OR2T33: variants seen among roughly 807,000 people sequenced by gnomAD.
OR2T33 encodes the protein olfactory receptor 2T33.
A neutral mutation model predicts 14.0 loss-of-function variants in OR2T33; 10 were observed. That is an observed-to-expected ratio of 0.72 (90% confidence interval 0.44 to 1.22). The LOEUF is 1.22. Ranked by LOEUF, OR2T33 falls within the 50% of genes most tolerant of loss-of-function variation. The probability of loss-of-function intolerance (pLI) is 0.00; values close to 1 mark genes in which losing one functional copy is unlikely to be tolerated. For missense variants in OR2T33, 276 were observed against 405.9 expected (o/e 0.68, Z 2.75); for synonymous variants, 103 against 159.4 (o/e 0.65, Z 2.66).
In OR2T33 at chr1:248,273,003, A is replaced by G. The variant is rs199555241; in HGVS notation, c.812T>C (p.Val271Ala). ...KSHRSTNHDK[V>A]VSAFYTMFTP... is the part of the protein sequence containing the mutation. The stretch of plus-strand genomic sequence containing the variant: ...GAACATAGTATAGAAGGCTGACACA[A>G]CCTTGTCATGGTTAGTGGACCTATG... Residue 271 changes from valine (V) to alanine (A), a missense_variant, in exon 2 of 2, where the codon GTT becomes GCT. Physicochemically the swap from Val to Ala is moderately conservative, Grantham distance 64. Transcript: ENST00000641220. The G allele has an allele frequency of 5.0e-4, 803 of 1,614,056 alleles. 10 individuals are homozygous for G. The South Asian group carries it at 6.2e-3, about 13-fold the overall frequency.
chr1:248,270,874 T>G lies in OR2T33; in HGVS notation c.*1978A>C, dbSNP rs763471333. 6.6e-6 allele frequency: 1 copy of G among 152,072 alleles called. No individual in the cohort carries two copies. The highest frequency in any genetic ancestry group is 6.6e-5 in the Admixed American group (1 of 15,250). The allele number at this position is 152,072 out of a possible 1,614,324, so 9.4% of individuals were successfully genotyped here. A position where few individuals can be genotyped will look rare whatever the true frequency, so the allele number is the denominator to read the frequency against. ...CTAGCCAAAAAGCAGGAAAAAATAT[T>G]TATAGTACAGATGTTTGACAAAATA... On this transcript the variant is annotated 3_prime_UTR_variant, in exon 2 of 2. Coordinates refer to ENST00000641220, the MANE Select transcript of OR2T33 (RefSeq NM_001004695.2).
In OR2T33 at chr1:248,273,423, G is replaced by A. The variant is rs1409670722; in HGVS notation, c.392C>T (p.Pro131Leu). 3 of 1,612,598 alleles carry A rather than the reference G, an allele frequency of 1.9e-6. No individual in the cohort carries two copies. The East Asian group carries it at 6.7e-5, about 36-fold the overall frequency. ...GCACAGCTGCCAGCTCATGAGAGTG[G>A]GATATCGGAGTGGGTGGCAGACAGC... ...YAAVCHPLRY[P>L]TLMSWQLCLR... Residue 131 changes from proline to leucine, a missense_variant, in exon 2 of 2, where the codon CCC becomes CTC. Coordinates refer to ENST00000641220, the MANE Select transcript of OR2T33 (RefSeq NM_001004695.2).
chr1:248,273,107 A>G lies in OR2T33; in HGVS notation c.708T>C (p.Phe236=), dbSNP rs140093780. ...MRSTEARKKA[F]ATCSSHVAVV... ...CAGCCACATGTGAAGAGCAGGTGGCAAAGGCCTTCTTGCGGGCTTCTGTAG... is the reference window on the plus strand; with the variant it reads ...CAGCCACATGTGAAGAGCAGGTGGCGAAGGCCTTCTTGCGGGCTTCTGTAG... The change falls in exon 2 of 2, where the codon TTT becomes TTC. Residue 236 remains phenylalanine (F), a synonymous_variant. Coordinates refer to ENST00000641220, the MANE Select transcript of OR2T33 (RefSeq NM_001004695.2). 8.0e-4 allele frequency: 1,295 copies of G among 1,611,668 alleles called. No individual in the cohort carries two copies. Among genetic ancestry groups the G allele is most frequent in the Non-Finnish European group, 9.3e-4 (1,100 of 1,179,708 alleles).
rs1407798613 is a variant in OR2T33 at position 248,271,158 on chromosome 1, T to G, written c.*1694A>C. The G allele has an allele frequency of 1.3e-5, 2 of 152,168 alleles. No homozygotes were observed. Among genetic ancestry groups the G allele is most frequent in the African/African-American group, 4.8e-5 (2 of 41,438 alleles). 9.4% of individuals were successfully genotyped at this position (152,168 alleles called of 1,614,324 possible). ...GTTGTTTTAGTTTTCTCCTGTATAT[T>G]AGGCTTAATTTTCTGGTTAGAATAT... On this transcript the variant is annotated 3_prime_UTR_variant, in exon 2 of 2. Coordinates refer to ENST00000641220, the MANE Select transcript of OR2T33 (RefSeq NM_001004695.2).
At position 248,271,748 on chromosome 1, in the gene OR2T33, T is replaced by G. The variant is rs1157670421; in HGVS notation, c.*1104A>C. On this transcript the variant is annotated 3_prime_UTR_variant, in exon 2 of 2. Coordinates refer to ENST00000641220, the MANE Select transcript of OR2T33 (RefSeq NM_001004695.2). ...TCCCACTGTGTGTTTAAAACTTATA[T>G]TATTTCTTAAGTGTGTTTTACATAC... The G allele has an allele frequency of 1.1e-4, 17 of 152,206 alleles. No homozygotes were observed. The highest frequency in any genetic ancestry group is 4.1e-4 in the African/African-American group (17 of 41,450). The allele number at this position is 152,206 out of a possible 1,614,324, so 9.4% of individuals were successfully genotyped here. A position where few individuals can be genotyped will look rare whatever the true frequency, so the allele number is the denominator to read the frequency against.
In OR2T33 at chr1:248,275,112, T is replaced by A. The variant is rs567420260; in HGVS notation, c.-8-1290A>T. On this transcript the variant is annotated intron_variant, in intron 1 of 1. Transcript: ENST00000641220. ...ATTCATAGAATATTCGCAAATGTCATGCCTTTGTATATTTGCAGGATTTTA... is the reference window on the plus strand; with the variant it reads ...ATTCATAGAATATTCGCAAATGTCAAGCCTTTGTATATTTGCAGGATTTTA... Among the ~76,000 whole-genome samples the A allele has an allele frequency of 2.6e-5, 4 of 152,338 alleles. No homozygotes were observed. In the East Asian group the frequency reaches 7.7e-4, roughly 29 times the overall value.
chr1:248,273,615 A>T lies in OR2T33; in HGVS notation c.200T>A (p.Met67Lys). 6.2e-7 allele frequency: 1 copy of T among 1,613,632 alleles called. No individual in the cohort carries two copies. The highest frequency in any genetic ancestry group is 8.5e-7 in the Non-Finnish European group (1 of 1,179,868). Residue 67 changes from methionine to lysine, a missense_variant, in exon 2 of 2, where the codon ATG becomes AAG. Coordinates refer to ENST00000641220, the MANE Select transcript of OR2T33 (RefSeq NM_001004695.2). The part of the protein sequence containing the change: ...MYFLLSQLSL[M>K]DMMLVSTTVP... ...AGTGGTGGAAACCAGCATCATGTCC[A>T]TGAGGGAAAGTTGGCTCAGGAGGAA...
chr1:248,277,848 T>A lies in OR2T33; in HGVS notation c.-92A>T, dbSNP rs1051039603. ...GGTTTGAGTACAAATGTTTGCTTAA[T>A]CTTAGTGTTGTGGATACTGCTTTGT... is the stretch of plus-strand genomic sequence containing the variant. On this transcript the variant is annotated 5_prime_UTR_variant, in exon 1 of 2. Coordinates refer to ENST00000641220, the MANE Select transcript of OR2T33 (RefSeq NM_001004695.2). 3 of 152,144 alleles carry A rather than the reference T, an allele frequency of 2.0e-5. No individual in the cohort carries two copies. The highest frequency in any genetic ancestry group is 1.3e-4 in the Admixed American group (2 of 15,254). The allele number at this position is 152,144 out of a possible 1,614,324, so 9.4% of individuals were successfully genotyped here. A position where few individuals can be genotyped will look rare whatever the true frequency, so the allele number is the denominator to read the frequency against.
rs576703128 is a variant in OR2T33 at position 248,270,102 on chromosome 1, A to C, written c.*2750T>G. The stretch of plus-strand genomic sequence containing the variant: ...TACTATGCAGCCATAAAAAAGGATG[A>C]GTTCACGTCCTTTGTAGGGACACGG... On this transcript the variant is annotated 3_prime_UTR_variant, in exon 2 of 2. Coordinates refer to ENST00000641220, the MANE Select transcript of OR2T33 (RefSeq NM_001004695.2). 1 of 152,314 alleles carries C rather than the reference A, an allele frequency of 6.6e-6. No homozygotes were observed. Among genetic ancestry groups the C allele is most frequent in the African/African-American group, 2.4e-5 (1 of 41,574 alleles). The allele number at this position is 152,314 out of a possible 1,614,324, so 9.4% of individuals were successfully genotyped here. A position where few individuals can be genotyped will look rare whatever the true frequency, so the allele number is the denominator to read the frequency against.
Position 248,273,629 on chromosome 1 carries a change from G to A in OR2T33, c.186C>T (p.Ser62=). 2.5e-6 allele frequency: 4 copies of A among 1,613,816 alleles called. No homozygotes were observed. Among genetic ancestry groups the A allele is most frequent in the East Asian group, 2.2e-5 (1 of 44,868 alleles). Reference sequence around the variant, plus strand: ...GCATCATGTCCATGAGGGAAAGTTGGCTCAGGAGGAAGTACATGGGCGTGT... The same window carrying A: ...GCATCATGTCCATGAGGGAAAGTTGACTCAGGAGGAAGTACATGGGCGTGT... ...RLHTPMYFLL[S]QLSLMDMMLV... is the part of the protein sequence containing the mutation. Residue 62 remains serine, a synonymous_variant, in exon 2 of 2, where the codon AGC becomes AGT. Coordinates refer to ENST00000641220, the MANE Select transcript of OR2T33 (RefSeq NM_001004695.2).
At position 248,270,845 on chromosome 1, in the gene OR2T33, C is replaced by T. The variant is rs987031457; in HGVS notation, c.*2007G>A. ...AAAAATATACCATTAAAATAACAAA[C>T]AGGCTAGCCAAAAAGCAGGAAAAAA... On this transcript the variant is annotated 3_prime_UTR_variant, in exon 2 of 2. Coordinates refer to ENST00000641220, the MANE Select transcript of OR2T33 (RefSeq NM_001004695.2). 6.6e-6 allele frequency: 1 copy of T among 152,008 alleles called. No homozygotes were observed. Among genetic ancestry groups the T allele is most frequent in the Middle Eastern group, 3.2e-3 (1 of 314 alleles). 9.4% of individuals were successfully genotyped at this position (152,008 alleles called of 1,614,324 possible). A position where few individuals can be genotyped will look rare whatever the true frequency, so the allele number is the denominator to read the frequency against.
At position 248,273,525 on chromosome 1, in the gene OR2T33, A is replaced by G. The variant is rs1255359414; in HGVS notation, c.290T>C (p.Val97Ala). 2 of 1,612,848 alleles carry G rather than the reference A, an allele frequency of 1.2e-6. No homozygotes were observed. Among genetic ancestry groups the G allele is most frequent in the African/African-American group, 2.7e-5 (2 of 74,912 alleles). The stretch of plus-strand genomic sequence containing the variant: ...CAGTGTGGGGAGGAAGAAGATCTGC[A>G]CACCACAGCCAGCGCGGGAGATGGC... ...SKAISRAGCG[V>A]QIFFLPTLGG... The change falls in exon 2 of 2, where the codon GTG becomes GCG. Residue 97 changes from valine to alanine, a missense_variant. Val to Ala is a moderately conservative substitution (Grantham distance 64). Coordinates refer to ENST00000641220, the MANE Select transcript of OR2T33 (RefSeq NM_001004695.2).
In OR2T33 at chr1:248,269,983, G is replaced by A. The variant is rs1659348599; in HGVS notation, c.*2869C>T. On this transcript the variant is annotated 3_prime_UTR_variant, in exon 2 of 2. Transcript: ENST00000641220. Reference sequence around the variant, plus strand: ...ACACATGCACACATATGTTTATTGAGGCAGTATTCACAACAGCAAAGACTT... The same window carrying A: ...ACACATGCACACATATGTTTATTGAAGCAGTATTCACAACAGCAAAGACTT... 6.6e-6 allele frequency: 1 copy of A among 152,050 alleles called. No individual in the cohort carries two copies. Among genetic ancestry groups the A allele is most frequent in the Non-Finnish European group, 1.5e-5 (1 of 68,028 alleles). The allele number at this position is 152,050 out of a possible 1,614,324, so 9.4% of individuals were successfully genotyped here. A position where few individuals can be genotyped will look rare whatever the true frequency, so the allele number is the denominator to read the frequency against.
chr1:248,275,910 G>C (rs1334076246), intron 1 of OR2T33, among the ~76,000 whole-genome samples: 1 of 152,112 alleles, frequency 6.6e-6, no homozygotes, highest in Admixed American at 6.5e-5. Context: ...TGGGAAAAAA[G>C]AATCATTTCT....
intron 1 of OR2T33, among the ~76,000 whole-genome samples, chr1:248,276,737 T>C (rs1266050838): frequency 6.6e-6 from 1 of 152,182 alleles, no homozygotes; most frequent in East Asian, 1.9e-4. Context: ...ATAATATTGT[T>C]ATAGATGAGA....
rs192801393 is a variant in OR2T33 at position 248,274,242 on chromosome 1, G to A, written c.-8-420C>T. On this transcript the variant is annotated intron_variant, in intron 1 of 1. Transcript: ENST00000641220. ...CACAGTTTATTTATATTCAACTTTTGGAAACCCAAACATATTCAAGATAGG... is the reference window on the plus strand; with the variant it reads ...CACAGTTTATTTATATTCAACTTTTAGAAACCCAAACATATTCAAGATAGG... 1.1e-3 allele frequency among the ~76,000 whole-genome samples: 166 copies of A among 152,098 alleles called. 2 individuals are homozygous for A. Among genetic ancestry groups the A allele is most frequent in the Non-Finnish European group, 2.1e-4 (14 of 67,994 alleles).
At chr1:248,275,269 T>A (rs1191723398) in intron 1 of OR2T33, among the ~76,000 whole-genome samples, 1 of 152,120 alleles carries the variant, frequency 6.6e-6, no homozygotes, top group Non-Finnish European at 1.5e-5. Flanking sequence ...AACACCAGCG[T>A]CTTTGAGATG....
chr1:248,277,151 G>T (rs1659457456), intron 1 of OR2T33, among the ~76,000 whole-genome samples: 2 of 149,578 alleles, frequency 1.3e-5, no homozygotes, highest in South Asian at 2.1e-4. Flanking sequence ...TATATTTCTA[G>T]TATGTATATT....
At chr1:248,276,228 C>G (rs1319062167) in intron 1 of OR2T33, among the ~76,000 whole-genome samples, 1 of 152,150 alleles carries the variant, frequency 6.6e-6, no homozygotes, top group Non-Finnish European at 1.5e-5. Flanking sequence ...CTTCACCTGA[C>G]GCTCACCTCC....
Sources: gnomAD v4.1 joint callset for allele counts (sites outside exome capture counted in the v4.1 genomes callset) on GRCh38, gnomAD v4.1.1 for gene constraint, MANE v1.5 for transcripts, NCBI Gene and HGNC (gene_info 2026-07-23, HGNC 2026-07-21) for gene names.